Variants in APBB1IP observed in about 807,000 individuals in gnomAD.
APBB1IP encodes the protein amyloid beta precursor protein binding family B member 1 interacting protein.
A neutral mutation model predicts 64.9 loss-of-function variants in APBB1IP; 27 were observed. The observed-to-expected ratio is 0.42, with a 90% CI of 0.31 to 0.57. APBB1IP has a LOEUF of 0.57. Among genes scored for constraint, APBB1IP ranks in the 20% least tolerant of loss-of-function variants. The probability of loss-of-function intolerance (pLI) is 0.20; values close to 1 mark genes in which losing one functional copy is unlikely to be tolerated. For synonymous variants in APBB1IP, 392 were observed against 331.0 expected, an observed-to-expected ratio of 1.18 and a Z score of -2.00; for missense variants, 812 against 845.5, an observed-to-expected ratio of 0.96 and a Z score of 0.49.
At chr10:26,559,315 G>A (rs2132482664) in intron 11 of APBB1IP, among the ~76,000 whole-genome samples, 1 of 152,214 alleles carries the variant, frequency 6.6e-6, no homozygotes, top group South Asian at 2.1e-4. Context: ...TGTAATCCCA[G>A]CACTTTGGTT....
At position 26,536,097 on chromosome 10, in the gene APBB1IP, C is replaced by T. The variant is rs144153688; in HGVS notation, c.924C>T (p.Ile308=). ...LLEESFCGTS[I]IVPELEGALY... is the part of the protein sequence containing the mutation. ...AGGAAAGTTTCTGTGGAACATCTAT[C>T]ATTGTACCAGAACTGGAAGGAGCTC... is the stretch of plus-strand genomic sequence containing the variant. The change falls in exon 10 of 15, where the codon ATC becomes ATT. Residue 308 remains isoleucine, a synonymous_variant. Transcript: ENST00000376236. 2.1e-3 allele frequency: 3,279 copies of T among 1,595,550 alleles called. 6 individuals are homozygous for T. Among genetic ancestry groups the T allele is most frequent in the Non-Finnish European group, 2.5e-3 (2,991 of 1,173,892 alleles).
In APBB1IP at chr10:26,508,176, T is replaced by C. The variant is rs945041303; in HGVS notation, c.532-3571T>C. On this transcript the variant is annotated intron_variant, in intron 6 of 14. Coordinates refer to ENST00000376236, the MANE Select transcript of APBB1IP (RefSeq NM_019043.4). Reference sequence around the variant, plus strand: ...GTACTCATGCATAATCTACAACATGTTTTTAAAGGATGGAAATCAAATCTA... The same window carrying C: ...GTACTCATGCATAATCTACAACATGCTTTTAAAGGATGGAAATCAAATCTA... Among the ~76,000 whole-genome samples the C allele has an allele frequency of 2.0e-5, 3 of 152,304 alleles. 1 individual carries two copies. In the East Asian group the frequency reaches 5.8e-4, roughly 29 times the overall value.
chr10:26,476,204 G>A (rs1210958173), intron 2 of APBB1IP, among the ~76,000 whole-genome samples: 8 of 151,684 alleles, frequency 5.3e-5, no homozygotes, highest in South Asian at 2.1e-4. Context: ...GATTACAGAT[G>A]CCCGCCACCA....
At chr10:26,513,786 G>C (rs978165662) in intron 8 of APBB1IP, 126 bp downstream of exon 8, 1 of 1,182,976 alleles carries the variant, frequency 8.5e-7, no homozygotes, top group African/African-American at 1.6e-5. Context: ...AGGCTGGAGT[G>C]CAGTGGCGTG....
chr10:26,452,151 C>CAA (rs10633721), intron 2 of APBB1IP, among the ~76,000 whole-genome samples: 91,437 of 151,274 alleles, frequency 0.6, 28,252 homozygotes, highest in East Asian at 0.92. Flanking sequence ...TATTCTTAGA[C>CAA]AAAAAAAAGT....
At chr10:26,530,884 T>C (rs555364553) in intron 8 of APBB1IP, among the ~76,000 whole-genome samples, 1 of 152,288 alleles carries the variant, frequency 6.6e-6, no homozygotes, top group South Asian at 2.1e-4. Flanking sequence ...ATATGTTACC[T>C]AATATGGCTA....
Position 26,488,489 on chromosome 10 carries a change from T to C in APBB1IP, c.1-3838T>C, listed in dbSNP as rs879260110. 4.0e-4 allele frequency among the ~76,000 whole-genome samples: 61 copies of C among 152,250 alleles called. 1 individual carries two copies. The highest frequency in any genetic ancestry group is 6.8e-3 in the Middle Eastern group (2 of 294). Reference sequence around the variant, plus strand: ...CTCAAGCAATCCTCTCCCCTCGGCCTCCCAAAGTGCTGGGATAACAGGCGT... The same window carrying C: ...CTCAAGCAATCCTCTCCCCTCGGCCCCCCAAAGTGCTGGGATAACAGGCGT... On this transcript the variant is annotated intron_variant, in intron 2 of 14. Transcript: ENST00000376236.
intron 2 of APBB1IP, among the ~76,000 whole-genome samples, chr10:26,444,596 A>G (rs1383111457): frequency 6.6e-6 from 1 of 152,228 alleles, no homozygotes; most frequent in African/African-American, 2.4e-5. Flanking sequence ...ATTGTCATCA[A>G]CTAAAGTCAG....
rs1241664947 is a variant in APBB1IP at position 26,560,167 on chromosome 10, C to G, written c.1218C>G (p.Thr406=). The change falls in exon 12 of 15, where the codon ACC becomes ACG. Residue 406 remains threonine (T), a synonymous_variant. Coordinates refer to ENST00000376236, the MANE Select transcript of APBB1IP (RefSeq NM_019043.4). ...IKYLCCDDTR[T]LNQWVMGIRI... ...ATCTCTGCTGTGATGACACAAGAAC[C>G]CTTAACCAGTGGGTCATGGGAATAC... 1 of 1,614,096 alleles carries G rather than the reference C, an allele frequency of 6.2e-7. No homozygotes were observed. Among genetic ancestry groups the G allele is most frequent in the Non-Finnish European group, 8.5e-7 (1 of 1,180,020 alleles).
At chr10:26,552,555 C>T (rs1488603152) in intron 11 of APBB1IP, among the ~76,000 whole-genome samples, 1 of 151,102 alleles carries the variant, frequency 6.6e-6, no homozygotes, top group Non-Finnish European at 1.5e-5. Flanking sequence ...GCCACAGTCA[C>T]ACTGTTGCAC....
chr10:26,557,048 T>G (rs1836902856), intron 11 of APBB1IP, among the ~76,000 whole-genome samples: 1 of 152,224 alleles, frequency 6.6e-6, no homozygotes, highest in Non-Finnish European at 1.5e-5. Context: ...TTTTCATCAA[T>G]ATGACCTTCA....
chr10:26,487,096 G>A (rs1364932923), intron 2 of APBB1IP, among the ~76,000 whole-genome samples: 1 of 138,550 alleles, frequency 7.2e-6, no homozygotes, highest in African/African-American at 3.4e-5. Context: ...GTCACGATGT[G>A]AGCATGGCTT....
chr10:26,500,357 A>G (rs1836081764), intron 4 of APBB1IP, among the ~76,000 whole-genome samples: 1 of 152,184 alleles, frequency 6.6e-6, no homozygotes, highest in Admixed American at 6.5e-5. Flanking sequence ...CCATTGGTTG[A>G]AATCCAATTT....
Position 26,503,290 on chromosome 10 carries a change from C to A in APBB1IP, c.531+16C>A. On this transcript the variant is annotated intron_variant, in intron 6 of 14. Transcript: ENST00000376236. ...GGTTAAGAAGGTGAATCATGAATCC[C>A]TTTTGCATGGGGGCAGTTCAATTAA... 1 of 1,613,352 alleles carries A rather than the reference C, an allele frequency of 6.2e-7. No individual in the cohort carries two copies. Among genetic ancestry groups the A allele is most frequent in the Non-Finnish European group, 8.5e-7 (1 of 1,179,480 alleles).
intron 8 of APBB1IP, 130 bp from the exon 9 acceptor site, chr10:26,533,309 T>C: frequency 2.1e-6 from 1 of 479,930 alleles, no homozygotes; most frequent in Non-Finnish European, 3.6e-6. Flanking sequence ...GGTTGACTGA[T>C]ATCATATGCT....
At chr10:26,531,268 A>G (rs1490353943) in intron 8 of APBB1IP, among the ~76,000 whole-genome samples, 1 of 152,132 alleles carries the variant, frequency 6.6e-6, no homozygotes, top group Non-Finnish European at 1.5e-5. Flanking sequence ...CCCAGGAGGC[A>G]GAGGTTTCAG....
At chr10:26,471,853 T>G (rs1031225767) in intron 2 of APBB1IP, among the ~76,000 whole-genome samples, 3 of 152,126 alleles carry the variant, frequency 2.0e-5, no homozygotes, top group Non-Finnish European at 2.9e-5. Flanking sequence ...CCTGGCTTAT[T>G]TTTTATATTT....
At chr10:26,461,680 T>C (rs1379030034) in intron 2 of APBB1IP, among the ~76,000 whole-genome samples, 1 of 152,130 alleles carries the variant, frequency 6.6e-6, no homozygotes, top group Non-Finnish European at 1.5e-5. Flanking sequence ...CATTTTAATA[T>C]GGTAAAGATG....
rs1554778195 is a variant in APBB1IP, at chr10:26,524,974, T to TTTTTTTTTTTTTTTTTTA, written c.814-8465_814-8464insTTTTTTTTTTTTTTTTTA. On this transcript the variant is annotated intron_variant, in intron 8 of 14. Transcript: ENST00000376236. ...TTCTTTCTTTTTTTTTTTTTTTTTT[T>TTTTTTTTTTTTTTTTTTA]ATAAAAAAAGGAATCCTGGCAAGAG... Among the ~76,000 whole-genome samples, 449 of 126,562 alleles carry TTTTTTTTTTTTTTTTTTA rather than the reference T, an allele frequency of 3.5e-3. 29 individuals are homozygous for TTTTTTTTTTTTTTTTTTA. The highest frequency in any genetic ancestry group is 6.2e-3 in the Non-Finnish European group (358 of 58,000). The allele number at this position is 126,562 out of a possible 152,430, so 83.0% of individuals were successfully genotyped here.
Sources: allele counts gnomAD v4.1 joint callset (sites outside exome capture counted in the v4.1 genomes callset), GRCh38; gene constraint gnomAD v4.1.1; transcripts MANE v1.5; gene names NCBI Gene and HGNC (gene_info 2026-07-23, HGNC 2026-07-21).